The following MEGF9 variants were observed in gnomAD, a reference collection of about 807,000 sequenced individuals.
MEGF9 encodes multiple EGF like domains 9, also known as multiple epidermal growth factor-like domains protein 9.
A neutral mutation model predicts 46.8 loss-of-function variants in MEGF9; 6 were observed. That is an observed-to-expected ratio of 0.13 (90% CI 0.07 to 0.25). The LOEUF (loss-of-function observed/expected upper bound fraction) is 0.25. Among genes scored for constraint, MEGF9 ranks in the 10% least tolerant of loss-of-function variants. The probability of loss-of-function intolerance (pLI) is 1.00; values close to 1 mark genes in which losing one functional copy is unlikely to be tolerated. For missense variants in MEGF9, 683 were observed against 792.4 expected, an observed-to-expected ratio of 0.86 and a Z score of 1.66; for synonymous variants, 302 against 330.7, an observed-to-expected ratio of 0.91 and a Z score of 0.94.
At chr9:120,664,395 T>C (rs2043715876) in intron 1 of MEGF9, among the ~76,000 whole-genome samples, 1 of 152,210 alleles carries the variant, frequency 6.6e-6, no homozygotes, top group East Asian at 1.9e-4. Context: ...TAAAATTATC[T>C]GTAATGCTCA....
At chr9:120,675,819 C>T (rs953231184) in intron 1 of MEGF9, among the ~76,000 whole-genome samples, 36 of 127,062 alleles carry the variant, frequency 2.8e-4, no homozygotes, top group African/African-American at 9.7e-4. Context: ...ACCTGGGAGG[C>T]GGAAGCTGCA....
intron 1 of MEGF9, among the ~76,000 whole-genome samples, chr9:120,659,788 AGTGTGTGTGTGTGTGT>A (rs67080202): frequency 2.1e-5 from 3 of 143,018 alleles, no homozygotes; most frequent in African/African-American, 7.8e-5. Flanking sequence ...TGTGTGTGAC[AGTGTGTGTGTGTGTGT>A]GTGTGTGTGT....
intron 2 of MEGF9, among the ~76,000 whole-genome samples, chr9:120,632,120 T>C (rs1239753359): frequency 6.6e-6 from 1 of 152,088 alleles, no homozygotes; most frequent in Non-Finnish European, 1.5e-5. Context: ...TAGAGACAGG[T>C]TTCACCATAT....
intron 1 of MEGF9, among the ~76,000 whole-genome samples, chr9:120,697,290 C>G (rs957223204): frequency 1.3e-5 from 2 of 152,140 alleles, no homozygotes; most frequent in Admixed American, 1.3e-4. Flanking sequence ...ATCATGTTGC[C>G]CAGGCGGGTC....
At position 120,702,904 on chromosome 9, in the gene MEGF9, T is replaced by C. The variant is rs1389143226; in HGVS notation, c.601+10854A>G. ...AACTCATTTAACAGATAAAACTACT[T>C]GCTTTTACTAGACAGATAACTAGTA... On this transcript the variant is annotated intron_variant, in intron 1 of 5. Transcript: ENST00000373930. Among the ~76,000 whole-genome samples, 4 of 152,332 alleles carry C rather than the reference T, an allele frequency of 2.6e-5. No homozygotes were observed. The East Asian group carries it at 7.7e-4, about 29-fold the overall frequency.
intron 4 of MEGF9, 82 bp downstream of exon 4, chr9:120,612,314 C>T: frequency 1.4e-5 from 19 of 1,374,292 alleles, no homozygotes; most frequent in Admixed American, 4.7e-5. Flanking sequence ...GCATCCAGAA[C>T]TTTATTCATC....
chr9:120,605,399 C>A lies in MEGF9; in HGVS notation c.1600G>T (p.Ala534Ser). ...VVVLLMGFVG[A>S]VYMYREYQNR... ...TGGTACTCGCGGTACATATATACAG[C>A]CCCCACAAATCCCATTAGCAGCACC... The change falls in exon 6 of 6, where the codon GCT (alanine) becomes TCT (serine). Residue 534 changes from alanine (A) to serine (S), a missense_variant. Around this residue, in one of 2 missense-constraint regions of MEGF9, gnomAD observed 313 missense variants for 421.1 expected, o/e 0.74. Transcript: ENST00000373930. The surrounding 1 kb of genome is among the most constrained non-coding windows in gnomAD (Gnocchi z 4.0). 3 of 1,614,032 alleles carry A rather than the reference C, an allele frequency of 1.9e-6. No individual in the cohort carries two copies. Among genetic ancestry groups the A allele is most frequent in the Non-Finnish European group, 2.5e-6 (3 of 1,179,902 alleles).
intron 2 of MEGF9, among the ~76,000 whole-genome samples, chr9:120,649,157 A>G (rs1465534155): frequency 6.6e-6 from 1 of 152,184 alleles, no homozygotes; most frequent in Non-Finnish European, 1.5e-5. Context: ...TTCATTTTTT[A>G]TTGTTGTACT....
intron 1 of MEGF9, among the ~76,000 whole-genome samples, chr9:120,670,017 GAAGA>G (rs1328911180): frequency 2.0e-5 from 3 of 152,156 alleles, no homozygotes; most frequent in Non-Finnish European, 2.9e-5. Context: ...AAAAAAGGTA[GAAGA>G]AAGAGAGAAG....
chr9:120,622,556 G>T, intron 3 of MEGF9, 60 bp downstream of exon 3: 4 of 1,584,180 alleles, frequency 2.5e-6, no homozygotes, highest in Non-Finnish European at 3.4e-6. Context: ...ATAGCTGAAA[G>T]ATTTCCAAAT....
At chr9:120,688,220 T>C (rs544528502) in intron 1 of MEGF9, among the ~76,000 whole-genome samples, 7 of 151,456 alleles carry the variant, frequency 4.6e-5, no homozygotes, top group Admixed American at 3.3e-4. Flanking sequence ...GTTAGGAGAT[T>C]TGAAGGTCAG....
intron 4 of MEGF9, among the ~76,000 whole-genome samples, chr9:120,611,846 AG>A (rs2043447262): frequency 1.5e-5 from 2 of 137,458 alleles, no homozygotes; most frequent in African/African-American, 2.9e-5. Flanking sequence ...GAAGGAAGGA[AG>A]GAAGGAAGGA....
chr9:120,705,678 G>A (rs2043926245), intron 1 of MEGF9, among the ~76,000 whole-genome samples: 1 of 151,640 alleles, frequency 6.6e-6, no homozygotes, highest in South Asian at 2.1e-4. Flanking sequence ...CATCTAAAAG[G>A]ATAAATATTT....
chr9:120,631,566 C>A (rs1299738486), intron 2 of MEGF9, among the ~76,000 whole-genome samples: 2 of 151,540 alleles, frequency 1.3e-5, no homozygotes, highest in African/African-American at 2.4e-5. Context: ...CTCACTGCAA[C>A]CTCCACCTCC....
intron 1 of MEGF9, among the ~76,000 whole-genome samples, chr9:120,673,263 A>G (rs1444725981): frequency 6.6e-6 from 1 of 152,230 alleles, no homozygotes; most frequent in Non-Finnish European, 1.5e-5. Flanking sequence ...GCAAACAATT[A>G]GATCTATAGA....
intron 2 of MEGF9, among the ~76,000 whole-genome samples, chr9:120,655,026 A>T (rs2043670173): frequency 6.6e-6 from 1 of 152,242 alleles, no homozygotes; most frequent in African/African-American, 2.4e-5. Flanking sequence ...AGTTTAAAAC[A>T]TCAGAGATCA....
chr9:120,639,508 TAA>T (rs61638928), intron 2 of MEGF9, among the ~76,000 whole-genome samples: 95 of 105,152 alleles, frequency 9.0e-4, no homozygotes, highest in Middle Eastern at 5.1e-3. Context: ...ACTCCGTCTT[TAA>T]AAAAAAAAAA....
intron 5 of MEGF9, among the ~76,000 whole-genome samples, chr9:120,607,451 AT>A (rs1487865674): frequency 6.6e-6 from 1 of 152,238 alleles, no homozygotes; most frequent in Non-Finnish European, 1.5e-5. Flanking sequence ...AATAAAAGAA[AT>A]GATAGGATTC....
At chr9:120,676,723 C>T (rs1183841000) in intron 1 of MEGF9, among the ~76,000 whole-genome samples, 1 of 152,134 alleles carries the variant, frequency 6.6e-6, no homozygotes, top group African/African-American at 2.4e-5. Flanking sequence ...CATACAACTG[C>T]TTATCTTAAT....
Sources: gnomAD v4.1 joint callset for allele counts (sites outside exome capture counted in the v4.1 genomes callset) on GRCh38, gnomAD v4.1.1 for gene constraint, gnomAD v4.1.1 regional missense constraint, Gnocchi (gnomAD v3.1) non-coding constraint, MANE v1.5 for transcripts, NCBI Gene and HGNC (gene_info 2026-07-23, HGNC 2026-07-21) for gene names.